The following PPP3R1 variants were observed in gnomAD, a reference collection of about 807,000 sequenced individuals.
The protein encoded by PPP3R1 is protein phosphatase 3 regulatory subunit B, alpha.
Under a neutral mutation model 22.6 loss-of-function variants are expected in PPP3R1, and 5 were observed. The ratio of observed to expected loss-of-function variants is 0.22; its 90% CI spans 0.12 to 0.46. The LOEUF (loss-of-function observed/expected upper bound fraction) is 0.46, where lower values mean the gene tolerates loss of function less well. PPP3R1 is among the 20% of genes least tolerant of loss of function. PPP3R1 has a pLI of 0.99. For missense variants in PPP3R1, 61 were observed against 203.2 expected (o/e 0.30, Z 4.25); for synonymous variants, 56 against 65.2 (o/e 0.86, Z 0.68).
intron 2 of PPP3R1, among the ~76,000 whole-genome samples, chr2:68,208,172 C>G (rs1669370791): frequency 6.6e-6 from 1 of 152,154 alleles, no homozygotes; most frequent in African/African-American, 2.4e-5. Context: ...GCCCGACTCA[C>G]TGACTTTACC....
intron 4 of PPP3R1, 85 bp from the exon 5 acceptor site, chr2:68,186,737 CAAACATCAA>C: frequency 8.4e-7 from 1 of 1,195,940 alleles, no homozygotes; most frequent in Non-Finnish European, 1.2e-6. Context: ...AGTAAACTGA[CAAACATCAA>C]AATTATGACT....
intron 2 of PPP3R1, among the ~76,000 whole-genome samples, chr2:68,195,779 C>A (rs1033500627): frequency 6.6e-6 from 1 of 152,198 alleles, no homozygotes; most frequent in South Asian, 2.1e-4. Context: ...TATTTTAGTA[C>A]ATGAATTAAA....
rs1670246548 is a variant in PPP3R1, at chr2:68,246,893, C to T, written c.3+5232G>A. Among the ~76,000 whole-genome samples, 3 of 152,178 alleles carry T rather than the reference C, an allele frequency of 2.0e-5. 1 individual carries two copies. The highest frequency in any genetic ancestry group is 7.2e-5 in the African/African-American group (3 of 41,424). ...AGCCCCAGATGTCTCTTATGAGCTC[C>T]AGATATAGGTAGCCAATTACCTGTT... On this transcript the variant is annotated intron_variant, in intron 1 of 5. Coordinates refer to ENST00000234310, the MANE Select transcript of PPP3R1 (RefSeq NM_000945.4).
At position 68,252,344 on chromosome 2, in the gene PPP3R1, A is replaced by C; in HGVS notation, c.-217T>G. 2 of 1,010,512 alleles carry C rather than the reference A, an allele frequency of 2.0e-6. No homozygotes were observed. Among genetic ancestry groups the C allele is most frequent in the Non-Finnish European group, 2.4e-6 (2 of 847,778 alleles). 62.6% of individuals were successfully genotyped at this position (1,010,512 alleles called of 1,614,324 possible). A position where few individuals can be genotyped will look rare whatever the true frequency, so the allele number is the denominator to read the frequency against. On this transcript the variant is annotated 5_prime_UTR_variant, in exon 1 of 6. Coordinates refer to ENST00000234310, the MANE Select transcript of PPP3R1 (RefSeq NM_000945.4). ...CGGGCAGGGTAGGGGGAAATAAATTAAGGTCGAGATTCAGAGCCGGAGAGC... is the reference window on the plus strand; with the variant it reads ...CGGGCAGGGTAGGGGGAAATAAATTCAGGTCGAGATTCAGAGCCGGAGAGC...
intron 1 of PPP3R1, among the ~76,000 whole-genome samples, chr2:68,227,519 CAA>C (rs1216489119): frequency 1.5e-4 from 23 of 150,190 alleles, no homozygotes; most frequent in African/African-American, 4.9e-4. Context: ...AAGACAGAAA[CAA>C]GAGATAAAAA....
At position 68,198,351 on chromosome 2, in the gene PPP3R1, GCA is replaced by G. The variant is rs1674865837; in HGVS notation, c.44-9663_44-9662del. On this transcript the variant is annotated intron_variant, in intron 2 of 5. Coordinates refer to ENST00000234310, the MANE Select transcript of PPP3R1 (RefSeq NM_000945.4). ...TATGTACATATATGTACATGTATAT[GCA>G]TATATATGTACATATATGTACATGT... Among the ~76,000 whole-genome samples the G allele has an allele frequency of 2.3e-4, 10 of 43,162 alleles. No individual in the cohort carries two copies. In the South Asian group the frequency reaches 2.9e-3, roughly 13 times the overall value. The allele number at this position is 43,162 out of a possible 152,430, so 28.3% of individuals were successfully genotyped here.
intron 2 of PPP3R1, among the ~76,000 whole-genome samples, chr2:68,209,105 T>C (rs1378615651): frequency 2.0e-5 from 3 of 151,030 alleles, no homozygotes; most frequent in Non-Finnish European, 4.4e-5. Flanking sequence ...ACACCTGTAA[T>C]CCCAGCACTT....
chr2:68,210,081 A>G (rs1044349518), intron 2 of PPP3R1, among the ~76,000 whole-genome samples: 1 of 152,188 alleles, frequency 6.6e-6, no homozygotes, highest in Non-Finnish European at 1.5e-5. Flanking sequence ...TCCTCAAGCA[A>G]GGCAAGCCCA....
intron 1 of PPP3R1, among the ~76,000 whole-genome samples, chr2:68,223,835 G>C (rs114095419): frequency 0.01 from 1,545 of 147,430 alleles, 15 homozygotes; most frequent in Non-Finnish European, 0.015. Context: ...AAGGTATACA[G>C]ATTGGAAAGG....
Position 68,180,998 on chromosome 2 carries a change from G to A in PPP3R1, c.478C>T (p.Leu160=). 6.2e-7 allele frequency: 1 copy of A among 1,613,350 alleles called. No homozygotes were observed. The highest frequency in any genetic ancestry group is 8.5e-7 in the Non-Finnish European group (1 of 1,179,376). ...FEEFCAVVGG[L]DIHKKMVVDV ...ACCACCATCTTTTTGTGGATATCTA[G>A]GCCACCTACAACCTGCAACAGACAG... Residue 160 remains leucine (L), a synonymous_variant, in exon 6 of 6, where the codon CTA becomes TTA. Coordinates refer to ENST00000234310, the MANE Select transcript of PPP3R1 (RefSeq NM_000945.4).
Position 68,180,778 on chromosome 2 carries a change from A to C in PPP3R1, c.*185T>G. On this transcript the variant is annotated 3_prime_UTR_variant, in exon 6 of 6. Transcript: ENST00000234310. Reference sequence around the variant, plus strand: ...CTTCAGACTTTAAAGTGCTACACTGAGTTATTGAGAGAATTACAGTTCAAT... The same window carrying C: ...CTTCAGACTTTAAAGTGCTACACTGCGTTATTGAGAGAATTACAGTTCAAT... The C allele has an allele frequency of 1.6e-6, 1 of 606,718 alleles. No individual in the cohort carries two copies. The allele number at this position is 606,718 out of a possible 1,614,324, so 37.6% of individuals were successfully genotyped here. A position where few individuals can be genotyped will look rare whatever the true frequency, so the allele number is the denominator to read the frequency against.
rs536656584 is a variant in PPP3R1, at chr2:68,204,014, A to C, written c.43+13078T>G. ...AACAGCCCTTGTGTTTACTAATTTT[A>C]TCTAAACCACTCAGAATTACACTGG... On this transcript the variant is annotated intron_variant, in intron 2 of 5. Transcript: ENST00000234310. Among the ~76,000 whole-genome samples, 130 of 152,322 alleles carry C rather than the reference A, an allele frequency of 8.5e-4. 1 individual carries two copies. Among genetic ancestry groups the C allele is most frequent in the African/African-American group, 2.9e-3 (122 of 41,584 alleles).
intron 2 of PPP3R1, among the ~76,000 whole-genome samples, chr2:68,209,010 G>C (rs1210241671): frequency 6.6e-6 from 1 of 151,408 alleles, no homozygotes; most frequent in Non-Finnish European, 1.5e-5. Flanking sequence ...GATTGGGATG[G>C]AAAGATTATG....
chr2:68,229,041 A>G (rs1398201162), intron 1 of PPP3R1, among the ~76,000 whole-genome samples: 3 of 152,078 alleles, frequency 2.0e-5, no homozygotes, highest in African/African-American at 7.2e-5. Flanking sequence ...GGGTTTTCTG[A>G]GACAGGGTCT....
intron 2 of PPP3R1, among the ~76,000 whole-genome samples, chr2:68,198,166 T>TATAC (rs1205642235): frequency 7.1e-6 from 1 of 140,616 alleles, no homozygotes; most frequent in Non-Finnish European, 1.5e-5. Flanking sequence ...TATGTAAATA[T>TATAC]ATACATACAT....
intron 2 of PPP3R1, among the ~76,000 whole-genome samples, chr2:68,216,210 AG>A (rs925564534): frequency 6.6e-5 from 10 of 152,260 alleles, no homozygotes; most frequent in African/African-American, 2.4e-4. Flanking sequence ...AAGGAAAAAA[AG>A]CTTACTGGGA....
chr2:68,194,786 T>C (rs1282168527), intron 2 of PPP3R1, among the ~76,000 whole-genome samples: 1 of 152,048 alleles, frequency 6.6e-6, no homozygotes, highest in Non-Finnish European at 1.5e-5. Flanking sequence ...AAAACAAAAC[T>C]TTCCTCAAAT....
intron 1 of PPP3R1, among the ~76,000 whole-genome samples, chr2:68,248,580 G>C (rs1435677650): frequency 6.6e-6 from 1 of 152,134 alleles, no homozygotes; most frequent in Non-Finnish European, 1.5e-5. Flanking sequence ...CAGAATTTTG[G>C]ATTCAGTTGT....
intron 2 of PPP3R1, among the ~76,000 whole-genome samples, chr2:68,198,062 CAAAAAAAAA>C (rs199824687): frequency 1.4e-3 from 59 of 41,998 alleles, no homozygotes; most frequent in South Asian, 8.1e-3. Context: ...GCACCTTTGG[CAAAAAAAAA>C]AAAAAAAAAA....
Sources: gnomAD v4.1 joint callset for allele counts (sites outside exome capture counted in the v4.1 genomes callset) on GRCh38, gnomAD v4.1.1 for gene constraint, MANE v1.5 for transcripts, NCBI Gene and HGNC (gene_info 2026-07-23, HGNC 2026-07-21) for gene names.